STK3: variants seen among roughly 807,000 people sequenced by gnomAD.
STK3 encodes the protein serine/threonine kinase 3.
STK3 carries 41 observed loss-of-function variants against 58.0 expected under a neutral mutation model. The observed-to-expected ratio is 0.71, with a 90% confidence interval of 0.55 to 0.92. The LOEUF (loss-of-function observed/expected upper bound fraction) is 0.92, where lower values mean the gene tolerates loss of function less well. Among genes scored for constraint, STK3 ranks in the 40% least tolerant of loss-of-function variants. The pLI, the probability that STK3 is intolerant of heterozygous loss-of-function variation, is 0.00. For synonymous variants in STK3, 170 were observed against 191.0 expected (o/e 0.89, Z 0.91); for missense variants, 479 against 602.7 (o/e 0.79, Z 2.15).
chr8:98,692,552 G>A (rs373991400), intron 6 of STK3, among the ~76,000 whole-genome samples: 2 of 152,096 alleles, frequency 1.3e-5, no homozygotes, highest in African/African-American at 2.4e-5. Flanking sequence ...TACTGGTTGC[G>A]AGGGGTTGGA....
intron 3 of STK3, among the ~76,000 whole-genome samples, chr8:98,750,290 G>C (rs1829890044): frequency 6.6e-6 from 1 of 151,824 alleles, no homozygotes; most frequent in Non-Finnish European, 1.5e-5. Flanking sequence ...TTCTAGAAAA[G>C]AGAAAGACCA....
At chr8:98,760,486 T>C (rs1206622739) in intron 3 of STK3, among the ~76,000 whole-genome samples, 1 of 151,946 alleles carries the variant, frequency 6.6e-6, no homozygotes, top group African/African-American at 2.4e-5. Flanking sequence ...TCTTTGAAAA[T>C]TTCACTGGGT....
chr8:98,578,765 A>G (rs746119483), intron 8 of STK3, among the ~76,000 whole-genome samples: 1 of 152,226 alleles, frequency 6.6e-6, no homozygotes, highest in Non-Finnish European at 1.5e-5. Flanking sequence ...CTATTTGAAT[A>G]CCAAGGGTTA....
chr8:98,504,737 T>C (rs1823915926), intron 10 of STK3, among the ~76,000 whole-genome samples: 1 of 152,238 alleles, frequency 6.6e-6, no homozygotes, highest in Non-Finnish European at 1.5e-5. Context: ...TACTGGCTTG[T>C]AGAGTTTCTG....
chr8:98,431,493 G>T (rs1009069061), intron 3 of STK3: 2 of 167,042 alleles, frequency 1.2e-5, no homozygotes, highest in Non-Finnish European at 2.9e-5. Context: ...TAACATTTAC[G>T]GACTCATCCC....
intron 4 of STK3, among the ~76,000 whole-genome samples, chr8:98,715,446 AC>A (rs941421828): frequency 1.3e-5 from 2 of 152,080 alleles, no homozygotes; most frequent in African/African-American, 4.8e-5. Context: ...GAAAAAAAAA[AC>A]AACCCCATCA....
intron 3 of STK3, among the ~76,000 whole-genome samples, chr8:98,420,203 T>C (rs1818153882): frequency 6.6e-6 from 1 of 152,140 alleles, no homozygotes; most frequent in Non-Finnish European, 1.5e-5. Flanking sequence ...TGCTGTCCCA[T>C]CCAGGACAGC....
At chr8:98,690,254 A>C (rs529469363) in intron 6 of STK3, among the ~76,000 whole-genome samples, 4 of 152,176 alleles carry the variant, frequency 2.6e-5, no homozygotes, top group Non-Finnish European at 5.9e-5. Context: ...AAGTCAAATT[A>C]TCTCTCTTCA....
At chr8:98,893,888 T>A (rs924748823) in intron 1 of STK3, among the ~76,000 whole-genome samples, 2 of 152,228 alleles carry the variant, frequency 1.3e-5, no homozygotes, top group Non-Finnish European at 2.9e-5. Flanking sequence ...TTATGAATAA[T>A]TTTTTGCTTA....
chr8:98,403,799 A>ACCTCCAGTGC, intron 3 of STK3, among the ~76,000 whole-genome samples: 1 of 152,146 alleles, frequency 6.6e-6, no homozygotes, highest in East Asian at 1.9e-4. Flanking sequence ...CATCCTCCAA[A>ACCTCCAGTGC]CCTCCAGTGC....
At chr8:98,921,795 G>A (rs781139704) in intron 1 of STK3, among the ~76,000 whole-genome samples, 9 of 152,084 alleles carry the variant, frequency 5.9e-5, no homozygotes, top group East Asian at 1.9e-4. Context: ...GGGTTCAAGC[G>A]ATTCTCCTGC....
At chr8:98,687,022 AG>A (rs1050702661) in intron 6 of STK3, among the ~76,000 whole-genome samples, 10 of 152,230 alleles carry the variant, frequency 6.6e-5, no homozygotes, top group African/African-American at 2.4e-4. Flanking sequence ...GATATAATTC[AG>A]AAAAAATTCC....
In STK3 at chr8:98,425,675, G is replaced by A. The variant is rs573763032; in HGVS notation, n.483+8452C>T. On this transcript the variant is annotated intron_variant and non_coding_transcript_variant, in intron 3 of 3. Coordinates refer to the STK3 transcript ENST00000517832. ...AGGGATGGGTCAGACTTGGATGCAG[G>A]AGCCCCCATTCGAAGCCAGATTAAC... 1.2e-3 allele frequency among the ~76,000 whole-genome samples: 186 copies of A among 152,276 alleles called. 2 individuals carry two copies. Among genetic ancestry groups the A allele is most frequent in the South Asian group, 2.7e-3 (13 of 4,828 alleles).
In STK3 at chr8:98,800,528, C is replaced by G. The variant is rs1833464371; in HGVS notation, c.26+24987G>C. On this transcript the variant is annotated intron_variant, in intron 1 of 10. Transcript: ENST00000419617. This position sits in a 1 kb window ranked among gnomAD's most constrained non-coding sequence, Gnocchi z 4.8. ...TCAGCCTGCCGCTGCACTGTGGGAG[C>G]CCCTCTCTGGGCTGGCCAAGGCCGG... Among the ~76,000 whole-genome samples the G allele has an allele frequency of 1.3e-5, 2 of 152,228 alleles. No individual in the cohort carries two copies. Among genetic ancestry groups the G allele is most frequent in the South Asian group, 4.1e-4 (2 of 4,828 alleles).
At chr8:98,625,984 G>A (rs552040032) in intron 6 of STK3, among the ~76,000 whole-genome samples, 152 of 152,226 alleles carry the variant, frequency 1.0e-3, no homozygotes, top group African/African-American at 3.3e-3. Flanking sequence ...CATCTACCAC[G>A]TCATGGTAAT....
At chr8:98,439,365 A>G (rs1314229994) in intron 1 of STK3, 2 of 152,246 alleles carry the variant, frequency 1.3e-5, no homozygotes, top group African/African-American at 4.8e-5. Context: ...CAGGGCACCG[A>G]CATCCTTAGC....
chr8:98,804,787 T>C (rs1833801215), intron 1 of STK3, among the ~76,000 whole-genome samples: 1 of 152,238 alleles, frequency 6.6e-6, no homozygotes, highest in African/African-American at 2.4e-5. Flanking sequence ...TCCAAATCAC[T>C]ATGCCATATT....
At chr8:98,515,435 C>T (rs7013445) in intron 10 of STK3, among the ~76,000 whole-genome samples, 69,905 of 151,466 alleles carry the variant, frequency 0.46, 16,311 homozygotes, top group South Asian at 0.51. Context: ...TAAGCCAACT[C>T]AGTCTGCACC....
upstream of STK3, chr8:98,391,583 C>T (rs1817849004): frequency 6.6e-6 from 1 of 152,198 alleles, no homozygotes; most frequent in African/African-American, 2.4e-5. Flanking sequence ...CAACTGTACC[C>T]ACCTTCAAGT....
Sources: allele counts gnomAD v4.1 joint callset (sites outside exome capture counted in the v4.1 genomes callset), GRCh38; gene constraint gnomAD v4.1.1; non-coding constraint Gnocchi (gnomAD v3.1); transcripts MANE v1.5; gene names NCBI Gene and HGNC (gene_info 2026-07-23, HGNC 2026-07-21).